Variants in SORCS1 observed in about 807,000 individuals in gnomAD.
The protein encoded by SORCS1 is VPS10 domain-containing receptor SorCS1.
A neutral mutation model predicts 146.1 loss-of-function variants in SORCS1; 60 were observed. The ratio of observed to expected loss-of-function variants is 0.41; its 90% CI spans 0.33 to 0.51. The LOEUF (loss-of-function observed/expected upper bound fraction) is 0.51. Among genes scored for constraint, SORCS1 ranks in the 20% least tolerant of loss-of-function variants. The probability of loss-of-function intolerance (pLI) is 0.21; values close to 1 mark genes in which losing one functional copy is unlikely to be tolerated. For synonymous variants in SORCS1, 637 were observed against 584.0 expected (o/e 1.09, Z -1.31); for missense variants, 1,352 against 1,487.6 (o/e 0.91, Z 1.50).
chr10:107,004,823 A>G (rs1957373414), intron 1 of SORCS1, among the ~76,000 whole-genome samples: 2 of 152,184 alleles, frequency 1.3e-5, no homozygotes, highest in African/African-American at 4.8e-5. Context: ...TTTAAAGGAC[A>G]AAATTATAAA....
At chr10:107,156,049 T>C (rs1969256925) in intron 1 of SORCS1, among the ~76,000 whole-genome samples, 1 of 152,104 alleles carries the variant, frequency 6.6e-6, no homozygotes, top group Admixed American at 6.5e-5. Context: ...AACAGCATCA[T>C]GGAGCGGGTT....
At chr10:106,682,966 T>C (rs912455454) in intron 10 of SORCS1, among the ~76,000 whole-genome samples, 25 of 152,230 alleles carry the variant, frequency 1.6e-4, no homozygotes, top group Non-Finnish European at 3.1e-4. Context: ...TCACAGGCCA[T>C]GGCATATCAT....
rs1266573964 is a variant in SORCS1 at position 107,163,982 on chromosome 10, C to T, written c.545G>A (p.Gly182Asp). The T allele has an allele frequency of 1.2e-6, 2 of 1,613,162 alleles. No homozygotes were observed. Among genetic ancestry groups the T allele is most frequent in the Non-Finnish European group, 1.7e-6 (2 of 1,179,490 alleles). The change falls in exon 1 of 26, where the codon GGC (glycine) becomes GAC (aspartate). Residue 182 changes from glycine (G) to aspartate (D), a missense_variant. This residue lies in a region of SORCS1 where 490 missense variants were observed against 489.1 expected (regional missense o/e 1.00). Coordinates refer to ENST00000263054, the MANE Select transcript of SORCS1 (RefSeq NM_052918.5). ...AHNQAMVHWS[G>D]HNSSVILILT... ...CATTCTACTCACGCTGCTGTTGTGG[C>T]CAGACCAGTGGACCATGGCTTGGTT...
Position 106,822,541 on chromosome 10 carries a change from T to C in SORCS1, c.726+7033A>G, listed in dbSNP as rs189791965. Among the ~76,000 whole-genome samples, 1,086 of 152,246 alleles carry C rather than the reference T, an allele frequency of 7.1e-3. 9 individuals carry two copies. The highest frequency in any genetic ancestry group is 0.012 in the Non-Finnish European group (844 of 68,022). Reference sequence around the variant, plus strand: ...AAATCACTCCAAGTAAAAAGAGAGATGCAGCATGCTTTCTTGGATTTTATA... The same window carrying C: ...AAATCACTCCAAGTAAAAAGAGAGACGCAGCATGCTTTCTTGGATTTTATA... On this transcript the variant is annotated intron_variant, in intron 3 of 25. Transcript: ENST00000263054.
chr10:106,857,791 T>A (rs535887094), intron 2 of SORCS1, among the ~76,000 whole-genome samples: 1 of 152,204 alleles, frequency 6.6e-6, no homozygotes, highest in East Asian at 1.9e-4. Context: ...TTAAATACAG[T>A]CACTGGATTC....
chr10:106,878,710 T>C (rs187828765), intron 2 of SORCS1, among the ~76,000 whole-genome samples: 6 of 147,040 alleles, frequency 4.1e-5, no homozygotes, highest in African/African-American at 1.5e-4. Context: ...AATTTTTATA[T>C]GTCCCTCTGG....
intron 1 of SORCS1, among the ~76,000 whole-genome samples, chr10:106,961,611 C>T (rs76595011): frequency 0.022 from 3,357 of 152,284 alleles, 62 homozygotes; most frequent in Non-Finnish European, 0.037. Context: ...ATTTCCTGGT[C>T]CTGGCAGGGT....
intron 1 of SORCS1, among the ~76,000 whole-genome samples, chr10:106,957,266 C>G (rs566747927): frequency 2.0e-5 from 3 of 151,436 alleles, no homozygotes; most frequent in Non-Finnish European, 4.4e-5. Flanking sequence ...CTCTGCCTCC[C>G]AGGTTCAAGC....
At chr10:106,778,605 A>AT (rs1284346408) in intron 3 of SORCS1, among the ~76,000 whole-genome samples, 1 of 152,196 alleles carries the variant, frequency 6.6e-6, no homozygotes, top group Non-Finnish European at 1.5e-5. Flanking sequence ...AAAACCTGTC[A>AT]TTTTTTGAAT....
At chr10:106,768,302 T>C (rs1159524765) in intron 4 of SORCS1, among the ~76,000 whole-genome samples, 2 of 152,226 alleles carry the variant, frequency 1.3e-5, no homozygotes, top group Non-Finnish European at 2.9e-5. Context: ...CAGCATGGTA[T>C]ATAATGCTCA....
Position 106,779,545 on chromosome 10 carries a change from A to ATTTTTTTTTTTTTTTTTT in SORCS1, c.727-2854_727-2853insAAAAAAAAAAAAAAAAAA, listed in dbSNP as rs1491495992. On this transcript the variant is annotated intron_variant, in intron 3 of 25. Transcript: ENST00000263054. ...TCTTTTAAGTTTGACATTATGGCCC[A>ATTTTTTTTTTTTTTTTTT]TATTTTTTTTTTTTTTTTTTTTGAG... Among the ~76,000 whole-genome samples the ATTTTTTTTTTTTTTTTTT allele has an allele frequency of 2.6e-5, 3 of 116,732 alleles. 1 individual carries two copies. Among genetic ancestry groups the ATTTTTTTTTTTTTTTTTT allele is most frequent in the Admixed American group, 8.4e-5 (1 of 11,836 alleles). The allele number at this position is 116,732 out of a possible 152,430, so 76.6% of individuals were successfully genotyped here.
intron 2 of SORCS1, among the ~76,000 whole-genome samples, chr10:106,844,644 A>G (rs1175448178): frequency 6.7e-6 from 1 of 149,800 alleles, no homozygotes; most frequent in Admixed American, 6.6e-5. Context: ...GGTTAGTTAC[A>G]TATGTATACA....
chr10:107,005,565 T>C (rs998456140), intron 1 of SORCS1, among the ~76,000 whole-genome samples: 3 of 152,196 alleles, frequency 2.0e-5, no homozygotes, highest in African/African-American at 7.2e-5. Context: ...TTCCCTTTTT[T>C]CCATATGAAT....
intron 1 of SORCS1, among the ~76,000 whole-genome samples, chr10:107,012,619 T>C (rs1957739034): frequency 6.6e-6 from 1 of 152,132 alleles, no homozygotes; most frequent in Admixed American, 6.5e-5. Flanking sequence ...TTGTCCAGTG[T>C]CATAGAACTA....
rs865794659 is a variant in SORCS1, at chr10:106,647,021, A to G, written c.2475+5361T>C. Among the ~76,000 whole-genome samples, 1,174 of 138,122 alleles carry G rather than the reference A, an allele frequency of 8.5e-3. 16 individuals are homozygous for G. Among genetic ancestry groups the G allele is most frequent in the East Asian group, 0.03 (151 of 5,016 alleles). 90.6% of individuals were successfully genotyped at this position (138,122 alleles called of 152,430 possible). On this transcript the variant is annotated intron_variant, in intron 18 of 25. Transcript: ENST00000263054. ...TGTTTGTATGTGTATATATATATAT[A>G]TATATATATATATATATATATGGTA...
At chr10:106,786,560 G>A (rs186093541) in intron 3 of SORCS1, among the ~76,000 whole-genome samples, 2 of 152,076 alleles carry the variant, frequency 1.3e-5, no homozygotes, top group Non-Finnish European at 2.9e-5. Flanking sequence ...ATCCTTGGAA[G>A]ACCCAGGACA....
intron 5 of SORCS1, among the ~76,000 whole-genome samples, chr10:106,731,524 G>C (rs1203662119): frequency 6.6e-6 from 1 of 152,020 alleles, no homozygotes; most frequent in East Asian, 1.9e-4. Context: ...CCTAACCCCT[G>C]AATCATAGTT....
At chr10:106,672,833 T>C (rs765955488) in intron 15 of SORCS1, 35 bp downstream of exon 15, 1 of 1,578,342 alleles carries the variant, frequency 6.3e-7, no homozygotes, top group African/African-American at 1.3e-5. Flanking sequence ...TCATGCTTCC[T>C]GCCCAGGCCT....
chr10:106,903,509 C>T (rs943278443), intron 2 of SORCS1, among the ~76,000 whole-genome samples: 25 of 152,208 alleles, frequency 1.6e-4, no homozygotes, highest in African/African-American at 5.3e-4. Context: ...TGTTAATTTC[C>T]GACACCATCA....
Sources: gnomAD v4.1 joint callset for allele counts (sites outside exome capture counted in the v4.1 genomes callset) on GRCh38, gnomAD v4.1.1 for gene constraint, gnomAD v4.1.1 regional missense constraint, MANE v1.5 for transcripts, NCBI Gene and HGNC (gene_info 2026-07-23, HGNC 2026-07-21) for gene names.